Variants in LRP1B observed in about 807,000 individuals in gnomAD.
LRP1B encodes low-density lipoprotein receptor-related protein 1B.
LRP1B carries 217 observed loss-of-function variants against 556.6 expected under a neutral mutation model. The observed-to-expected ratio is 0.39, with a 90% confidence interval of 0.35 to 0.44. The LOEUF is 0.44. Ranked by LOEUF, LRP1B falls within the 20% of genes least tolerant of loss-of-function variation. The pLI is 1.00. For missense variants in LRP1B, 5,053 were observed against 5,620.8 expected, an observed-to-expected ratio of 0.90 and a Z score of 3.23; for synonymous variants, 2,047 against 1,865.8, an observed-to-expected ratio of 1.10 and a Z score of -2.50.
rs1036472036 is a variant in LRP1B at position 140,434,370 on chromosome 2, G to A, written c.10414+8134C>T. Among the ~76,000 whole-genome samples the A allele has an allele frequency of 7.2e-5, 11 of 152,084 alleles. No individual in the cohort carries two copies. In the South Asian group the frequency reaches 1.0e-3, roughly 14 times the overall value. On this transcript the variant is annotated intron_variant, in intron 66 of 90. Coordinates refer to ENST00000389484, the MANE Select transcript of LRP1B (RefSeq NM_018557.3). ...CAGGTGTGAGCCACCATACCCGGCCGAATAATAGTTTTCAAGTAACTTCTA... is the reference window on the plus strand; with the variant it reads ...CAGGTGTGAGCCACCATACCCGGCCAAATAATAGTTTTCAAGTAACTTCTA...
intron 1 of LRP1B, among the ~76,000 whole-genome samples, chr2:141,964,182 C>A (rs1481119504): frequency 1.3e-5 from 2 of 150,278 alleles, no homozygotes; most frequent in Non-Finnish European, 3.0e-5. Context: ...AGGTAATTTA[C>A]AGATTCAATG....
At chr2:141,167,486 CTTCAT>C (rs1352081705) in intron 7 of LRP1B, 1 of 151,368 alleles carries the variant, frequency 6.6e-6, no homozygotes, top group African/African-American at 2.4e-5. Flanking sequence ...AACAAAAGTT[CTTCAT>C]TTCTTCTTTC....
chr2:140,742,451 A>G (rs965508485), intron 35 of LRP1B, among the ~76,000 whole-genome samples: 3 of 152,244 alleles, frequency 2.0e-5, no homozygotes, highest in Admixed American at 2.0e-4. Context: ...TAGTAGTGAG[A>G]TATAATTAAA....
chr2:140,653,836 C>T (rs1684773916), intron 41 of LRP1B, among the ~76,000 whole-genome samples: 1 of 151,458 alleles, frequency 6.6e-6, no homozygotes, highest in South Asian at 2.1e-4. Flanking sequence ...GCCAGCCTGG[C>T]TAACATGGTG....
intron 2 of LRP1B, among the ~76,000 whole-genome samples, chr2:141,642,858 C>A: frequency 6.6e-6 from 1 of 152,194 alleles, no homozygotes; most frequent in Non-Finnish European, 1.5e-5. Flanking sequence ...TGTAGCGAGT[C>A]TTTTTTACCT....
Position 140,364,870 on chromosome 2 carries a change from C to T in LRP1B, c.11009-87G>A, listed in dbSNP as rs963147799. ...CCATATTCTTCTGAATCTTAGCAAA[C>T]AGTATCTAGTTGACTGCTTCCATAT... On this transcript the variant is annotated intron_variant, in intron 71 of 90. Transcript: ENST00000389484. 7 of 1,215,374 alleles carry T rather than the reference C, an allele frequency of 5.8e-6. No homozygotes were observed. The African/African-American group carries it at 1.1e-4, about 18-fold the overall frequency. The allele number at this position is 1,215,374 out of a possible 1,614,324, so 75.3% of individuals were successfully genotyped here. A position where few individuals can be genotyped will look rare whatever the true frequency, so the allele number is the denominator to read the frequency against.
At chr2:140,820,766 A>C (rs947523159) in intron 31 of LRP1B, among the ~76,000 whole-genome samples, 49 of 152,248 alleles carry the variant, frequency 3.2e-4, no homozygotes, top group African/African-American at 1.1e-3. Flanking sequence ...CTGACAACAC[A>C]ATGCTAAATA....
chr2:140,254,951 AC>A, intron 86 of LRP1B, among the ~76,000 whole-genome samples: 1 of 152,292 alleles, frequency 6.6e-6, no homozygotes, highest in Middle Eastern at 3.4e-3. Context: ...CTAACCATTT[AC>A]TAGCATTTAG....
intron 51 of LRP1B, among the ~76,000 whole-genome samples, chr2:140,512,942 TACATAAAATAC>T (rs1184869866): frequency 3.9e-5 from 6 of 152,150 alleles, no homozygotes; most frequent in Non-Finnish European, 7.4e-5. Flanking sequence ...TGGTAGTTAG[TACATAAAATAC>T]AGCTCATAAT....
Position 140,514,760 on chromosome 2 carries a change from G to C in LRP1B, c.8162C>G (p.Ser2721Cys), listed in dbSNP as rs763661881. 2.5e-6 allele frequency: 4 copies of C among 1,603,700 alleles called. No homozygotes were observed. Among genetic ancestry groups the C allele is most frequent in the Admixed American group, 1.7e-5 (1 of 59,378 alleles). ...RDEFHCDSSC[S>C]WNQFACSAQK... ...TGCGGAACAAGCAAATTGGTTCCAA[G>C]AGCAAGAAGAATCTAGGAAACAAAC... The change falls in exon 51 of 91, where the codon TCT becomes TGT. Residue 2721 changes from serine (S) to cysteine (C), a missense_variant. Transcript: ENST00000389484.
chr2:141,421,551 C>A (rs2104964542), intron 3 of LRP1B, among the ~76,000 whole-genome samples: 1 of 151,510 alleles, frequency 6.6e-6, no homozygotes, highest in Middle Eastern at 3.4e-3. Context: ...AAAAATTTAC[C>A]TCTTTCATAT....
At chr2:141,094,228 C>A (rs563459468) in intron 7 of LRP1B, among the ~76,000 whole-genome samples, 1 of 152,040 alleles carries the variant, frequency 6.6e-6, no homozygotes, top group African/African-American at 2.4e-5. Context: ...ATTCTTTAAA[C>A]AAGTTTTAAA....
At chr2:140,743,574 G>C (rs539302181) in intron 35 of LRP1B, among the ~76,000 whole-genome samples, 4 of 152,202 alleles carry the variant, frequency 2.6e-5, no homozygotes, top group African/African-American at 9.6e-5. Context: ...TTCTGATGAG[G>C]ATTAAATGAA....
intron 2 of LRP1B, among the ~76,000 whole-genome samples, chr2:141,604,614 A>G (rs929648950): frequency 2.0e-5 from 3 of 152,066 alleles, no homozygotes; most frequent in African/African-American, 4.8e-5. Flanking sequence ...ACCTTTCCCT[A>G]ACTGGTGTTT....
chr2:141,269,816 C>T (rs768033104), intron 3 of LRP1B, among the ~76,000 whole-genome samples: 16 of 151,972 alleles, frequency 1.1e-4, no homozygotes, highest in Non-Finnish European at 2.4e-4. Context: ...CTTTCAGAAG[C>T]CCCAGATGTT....
intron 43 of LRP1B, among the ~76,000 whole-genome samples, chr2:140,542,908 A>G (rs1680191100): frequency 6.6e-6 from 1 of 152,164 alleles, no homozygotes; most frequent in Non-Finnish European, 1.5e-5. Flanking sequence ...AAAGAACCAC[A>G]GGAAAGAATT....
intron 11 of LRP1B, among the ~76,000 whole-genome samples, chr2:141,026,586 A>G (rs1573994876): frequency 6.6e-6 from 1 of 152,190 alleles, no homozygotes; most frequent in East Asian, 1.9e-4. Flanking sequence ...CCAAAACTAT[A>G]CTTGTTTCAG....
In LRP1B at chr2:140,261,657, T is replaced by C. The variant is rs536308197; in HGVS notation, c.13247+8585A>G. ...CAGATAATGGAACACTGGGCACCCA[T>C]TAAAACTAAAAGCATTTAATTATAC... On this transcript the variant is annotated intron_variant, in intron 86 of 90. Transcript: ENST00000389484. 5.3e-5 allele frequency among the ~76,000 whole-genome samples: 8 copies of C among 152,054 alleles called. No homozygotes were observed. The East Asian group carries it at 1.5e-3, about 29-fold the overall frequency.
chr2:141,010,951 GGTGTGTGT>G (rs71995663), intron 14 of LRP1B, among the ~76,000 whole-genome samples: 6 of 144,660 alleles, frequency 4.1e-5, no homozygotes, highest in East Asian at 2.0e-4. Flanking sequence ...CTTGTCAGAT[GGTGTGTGT>G]GTGTGTGTGT....
Sources: allele counts gnomAD v4.1 joint callset (sites outside exome capture counted in the v4.1 genomes callset), GRCh38; gene constraint gnomAD v4.1.1; transcripts MANE v1.5; gene names NCBI Gene and HGNC (gene_info 2026-07-23, HGNC 2026-07-21).